The following REEP5 variants were observed in gnomAD, a reference collection of about 807,000 sequenced individuals.
The protein encoded by REEP5 is receptor expression-enhancing protein 5.
A neutral mutation model predicts 22.4 loss-of-function variants in REEP5; 24 were observed. That is an observed-to-expected ratio of 1.07 (90% confidence interval 0.78 to 1.51). The LOEUF (loss-of-function observed/expected upper bound fraction) is 1.51, where lower values mean the gene tolerates loss of function less well. REEP5 is among the 40% of genes most tolerant of loss of function. The probability of loss-of-function intolerance (pLI) is 0.00; values close to 1 mark genes in which losing one functional copy is unlikely to be tolerated. For missense variants in REEP5, 252 were observed against 233.0 expected, an observed-to-expected ratio of 1.08 and a Z score of -0.53; for synonymous variants, 103 against 88.6, an observed-to-expected ratio of 1.16 and a Z score of -0.92.
intron 3 of REEP5, among the ~76,000 whole-genome samples, chr5:112,900,261 C>A (rs1768812109): frequency 1.3e-5 from 2 of 152,176 alleles, no homozygotes; most frequent in African/African-American, 4.8e-5. Context: ...TGTTGTAAAT[C>A]TATCTTCCTA....
At chr5:112,921,464 A>C (rs1386224286) in intron 1 of REEP5, 18 of 592,662 alleles carry the variant, frequency 3.0e-5, no homozygotes, top group Non-Finnish European at 1.5e-5. Flanking sequence ...CAGCCCCACC[A>C]TTGTGCCTCT....
intron 2 of REEP5, among the ~76,000 whole-genome samples, chr5:112,904,210 CTG>C (rs1344319318): frequency 1.3e-5 from 2 of 152,136 alleles, no homozygotes; most frequent in Non-Finnish European, 2.9e-5. Context: ...TGCACAAAGT[CTG>C]TATTTTTTTA....
At chr5:112,892,278 G>A (rs546611568) in intron 3 of REEP5, 362 of 1,614,104 alleles carry the variant, frequency 2.2e-4, no homozygotes, top group Non-Finnish European at 2.8e-4. Flanking sequence ...TGTTTACAAC[G>A]TTTGGAATGG....
chr5:112,886,050 A>G (rs1768233166), intron 4 of REEP5, among the ~76,000 whole-genome samples: 2 of 152,220 alleles, frequency 1.3e-5, no homozygotes, highest in South Asian at 4.1e-4. Context: ...GGTGCAAACC[A>G]TTCTAAGGAG....
chr5:112,921,336 CTGGGCCTGTTGTAGGAGTT>C (rs1431796976), intron 1 of REEP5, 80 bp from the exon 2 acceptor site: 1 of 1,356,326 alleles, frequency 7.4e-7, no homozygotes, highest in African/African-American at 1.4e-5. Context: ...CACCGCGAGG[CTGGGCCTGTTGTAGGAGTT>C]TTCCTCTCGA....
chr5:112,914,050 G>A (rs1580754724), intron 2 of REEP5, among the ~76,000 whole-genome samples: 1 of 151,362 alleles, frequency 6.6e-6, no homozygotes, highest in Non-Finnish European at 1.5e-5. Context: ...GCTGAAGTGG[G>A]AGAATCACCT....
chr5:112,886,505 G>C (rs1158701598), intron 4 of REEP5, among the ~76,000 whole-genome samples: 2 of 152,138 alleles, frequency 1.3e-5, no homozygotes, highest in African/African-American at 2.4e-5. Context: ...TCTGCAAGTG[G>C]AGAGAACACA....
chr5:112,918,587 C>T (rs1046534103), intron 2 of REEP5, among the ~76,000 whole-genome samples: 4 of 152,170 alleles, frequency 2.6e-5, no homozygotes, highest in East Asian at 1.9e-4. Flanking sequence ...GGCAAGATCG[C>T]GAACTCCTTA....
At chr5:112,921,518 CG>C in intron 1 of REEP5, 1 of 531,646 alleles carries the variant, frequency 1.9e-6, no homozygotes, top group Non-Finnish European at 3.4e-6. Flanking sequence ...CAGCAACCCC[CG>C]GCGCCCGGGA....
At chr5:112,887,714 C>T (rs1768304370) in intron 3 of REEP5, among the ~76,000 whole-genome samples, 1 of 152,006 alleles carries the variant, frequency 6.6e-6, no homozygotes, top group Admixed American at 6.5e-5. Context: ...GGAATCTTTA[C>T]AGTTGTTCTT....
chr5:112,899,924 T>C (rs10051508), intron 3 of REEP5, among the ~76,000 whole-genome samples: 2,669 of 152,320 alleles, frequency 0.018, 81 homozygotes, highest in African/African-American at 0.061. Context: ...CTTTGATCAT[T>C]ATGTGGGCAC....
intron 2 of REEP5, among the ~76,000 whole-genome samples, chr5:112,914,520 G>C (rs1280654236): frequency 6.6e-6 from 1 of 152,130 alleles, no homozygotes; most frequent in East Asian, 1.9e-4. Context: ...CTGTTTGAAT[G>C]ATTGATGGTA....
chr5:112,894,005 G>C (rs1325804720), intron 3 of REEP5: 1 of 152,166 alleles, frequency 6.6e-6, no homozygotes, highest in Non-Finnish European at 1.5e-5. Flanking sequence ...TTTTTCACTG[G>C]CATTAGCTTT....
Position 112,921,211 on chromosome 5 carries a change from G to T in REEP5, c.164C>A (p.Ala55Asp). ...VALYLVFGYG[A>D]SLLCNLIGFG... ...TCCTATCAGGTTGCAGAGGAGAGAG[G>T]CTCCATAACCGAACACCAGGTACAA... Residue 55 changes from alanine to aspartate, a missense_variant, in exon 2 of 5, where the codon GCC (alanine) becomes GAC (aspartate). Physicochemically the swap from Ala to Asp is moderately radical, Grantham distance 126 (BLOSUM62 -2). Coordinates refer to ENST00000379638, the MANE Select transcript of REEP5 (RefSeq NM_005669.5). The T allele has an allele frequency of 6.2e-7, 1 of 1,614,138 alleles. No homozygotes were observed. Among genetic ancestry groups the T allele is most frequent in the Non-Finnish European group, 8.5e-7 (1 of 1,180,016 alleles).
At chr5:112,912,959 A>G (rs936446983) in intron 2 of REEP5, among the ~76,000 whole-genome samples, 4 of 152,252 alleles carry the variant, frequency 2.6e-5, no homozygotes, top group Non-Finnish European at 5.9e-5. Context: ...ACTGCAGAGT[A>G]TATGTGCTTT....
intron 2 of REEP5, among the ~76,000 whole-genome samples, chr5:112,912,302 C>A (rs1769122391): frequency 6.6e-6 from 1 of 152,134 alleles, no homozygotes; most frequent in African/African-American, 2.4e-5. Flanking sequence ...TGCTACAATT[C>A]AAACTAGCCA....
chr5:112,879,020 C>T (rs986653882), intron 4 of REEP5, among the ~76,000 whole-genome samples, 185 bp from the exon 5 acceptor site: 6 of 151,960 alleles, frequency 3.9e-5, no homozygotes, highest in African/African-American at 1.5e-4. Flanking sequence ...GAAGGTACCT[C>T]TTAGAGCACA....
intron 3 of REEP5, chr5:112,892,020 G>A: frequency 4.5e-6 from 6 of 1,322,370 alleles, no homozygotes; most frequent in Non-Finnish European, 6.6e-6. Flanking sequence ...GAGAAGAGGA[G>A]GAGCAGAAAC....
At chr5:112,914,634 G>C (rs1426973340) in intron 2 of REEP5, among the ~76,000 whole-genome samples, 1 of 152,170 alleles carries the variant, frequency 6.6e-6, no homozygotes, top group Non-Finnish European at 1.5e-5. Context: ...TGTCAGATTG[G>C]TATCATAAAG....
Sources: gnomAD v4.1 joint callset for allele counts (sites outside exome capture counted in the v4.1 genomes callset) on GRCh38, gnomAD v4.1.1 for gene constraint, MANE v1.5 for transcripts, NCBI Gene and HGNC (gene_info 2026-07-23, HGNC 2026-07-21) for gene names.